The following XPOT variants were observed in gnomAD, a reference collection of about 807,000 sequenced individuals.
The protein encoded by XPOT is exportin for tRNA, also known as exportin-T.
A neutral mutation model predicts 128.2 loss-of-function variants in XPOT; 34 were observed. The observed-to-expected ratio is 0.27, with a 90% CI of 0.20 to 0.35. XPOT has a LOEUF of 0.35. Among genes scored for constraint, XPOT ranks in the 10% least tolerant of loss-of-function variants. The pLI is 1.00. For missense variants in XPOT, 838 were observed against 1,125.3 expected (o/e 0.74, Z 3.65); for synonymous variants, 348 against 394.3 (o/e 0.88, Z 1.39).
At chr12:64,426,898 A>G (rs1290303332) in intron 15 of XPOT, among the ~76,000 whole-genome samples, 1 of 151,960 alleles carries the variant, frequency 6.6e-6, no homozygotes, top group African/African-American at 2.4e-5. Context: ...CAGGAGAATC[A>G]CTTGAACCCA....
At position 64,425,111 on chromosome 12, in the gene XPOT, C is replaced by T; in HGVS notation, c.1381C>T (p.Pro461Ser). The T allele has an allele frequency of 6.2e-7, 1 of 1,613,894 alleles. No individual in the cohort carries two copies. Among genetic ancestry groups the T allele is most frequent in the Non-Finnish European group, 8.5e-7 (1 of 1,179,986 alleles). The change falls in exon 13 of 25, where the codon CCA becomes TCA. Residue 461 changes from proline to serine, a missense_variant. By Grantham distance (74) the Pro-to-Ser change is moderately conservative. Around this residue, in one of 3 missense-constraint regions of XPOT, gnomAD observed 761 missense variants for 988.3 expected, o/e 0.77. Coordinates refer to ENST00000332707, the MANE Select transcript of XPOT (RefSeq NM_007235.6). ...RLLYMLAEAL[P>S]VSHGAHFSGD... ...GCTGTATATGTTGGCAGAAGCTCTT[C>T]CAGTATCTCATGGTGCTCACTTCTC... is the stretch of plus-strand genomic sequence containing the variant.
chr12:64,435,498 C>G (rs2040275316), intron 21 of XPOT, 129 bp from the exon 22 acceptor site: 1 of 704,756 alleles, frequency 1.4e-6, no homozygotes, highest in Non-Finnish European at 2.1e-6. Context: ...TATCCCTTCT[C>G]TGGAGTTAAA....
Position 64,429,977 on chromosome 12 carries a change from A to G in XPOT, c.1738-72A>G, listed in dbSNP as rs374300728. 3.0e-6 allele frequency: 4 copies of G among 1,339,024 alleles called. No homozygotes were observed. In the African/African-American group the frequency reaches 5.9e-5, roughly 20 times the overall value. The allele number at this position is 1,339,024 out of a possible 1,614,324, so 82.9% of individuals were successfully genotyped here. A position where few individuals can be genotyped will look rare whatever the true frequency, so the allele number is the denominator to read the frequency against. ...GTGATAGATTACATTTCCTGTTCCTAATGCACTTTTTCTCATTAAATGAAG... is the reference window on the plus strand; with the variant it reads ...GTGATAGATTACATTTCCTGTTCCTGATGCACTTTTTCTCATTAAATGAAG... On this transcript the variant is annotated intron_variant, in intron 16 of 24. Transcript: ENST00000332707.
chr12:64,413,354 C>T (rs147886558), intron 2 of XPOT, among the ~76,000 whole-genome samples: 147 of 152,230 alleles, frequency 9.7e-4, no homozygotes, highest in African/African-American at 3.3e-3. Context: ...CTTCCAGCCT[C>T]AAGTGATCTT....
intron 6 of XPOT, 34 bp from the exon 7 acceptor site, chr12:64,420,036 T>C: frequency 2.0e-6 from 3 of 1,523,766 alleles, no homozygotes; most frequent in Non-Finnish European, 2.6e-6. Context: ...TTTTGTAAGG[T>C]AATCTACTTT....
chr12:64,442,214 G>A (rs906570394), intron 23 of XPOT, among the ~76,000 whole-genome samples: 6 of 151,844 alleles, frequency 4.0e-5, no homozygotes, highest in Non-Finnish European at 7.4e-5. Context: ...TCCACCTCCC[G>A]GGTTCAAGCA....
At chr12:64,434,201 C>T (rs1449973522) in intron 19 of XPOT, among the ~76,000 whole-genome samples, 1 of 151,998 alleles carries the variant, frequency 6.6e-6, no homozygotes, top group African/African-American at 2.4e-5. Context: ...GGGATCTCAC[C>T]ACGTTGCCCA....
Position 64,431,521 on chromosome 12 carries a change from G to T in XPOT, c.1977-17G>T. On this transcript the variant is annotated splice_polypyrimidine_tract_variant and intron_variant, in intron 17 of 24. Transcript: ENST00000332707. ...AGAATAAAGTTGCATCTGATTGCCT[G>T]ATTTTTGCTTATATAGTCGAACCAG... 6.2e-7 allele frequency: 1 copy of T among 1,607,114 alleles called. No homozygotes were observed. Among genetic ancestry groups the T allele is most frequent in the South Asian group, 1.1e-5 (1 of 90,850 alleles).
intron 2 of XPOT, 50 bp from the exon 3 acceptor site, chr12:64,414,857 C>A: frequency 9.1e-7 from 1 of 1,095,826 alleles, no homozygotes; most frequent in Non-Finnish European, 1.4e-6. Flanking sequence ...ATTAGCAGGG[C>A]ATTGAGATTG....
At chr12:64,445,001 A>C in intron 23 of XPOT, 74 bp from the exon 24 acceptor site, 4 of 1,323,040 alleles carry the variant, frequency 3.0e-6, no homozygotes, top group Non-Finnish European at 4.2e-6. Context: ...AAAAAAAAAA[A>C]ACTGGATACG....
At chr12:64,441,947 A>T (rs2040328188) in intron 23 of XPOT, among the ~76,000 whole-genome samples, 1 of 151,928 alleles carries the variant, frequency 6.6e-6, no homozygotes, top group Non-Finnish European at 1.5e-5. Context: ...CTAAAGTCCC[A>T]GGATTACGGG....
At chr12:64,422,856 C>A in intron 9 of XPOT, 149 bp from the exon 10 acceptor site, 1 of 651,478 alleles carries the variant, frequency 1.5e-6, no homozygotes. Context: ...TGAGCCATGA[C>A]TGCGCCACTG....
At chr12:64,414,847 A>G in intron 2 of XPOT, 60 bp from the exon 3 acceptor site, 2 of 1,027,746 alleles carry the variant, frequency 1.9e-6, no homozygotes, top group East Asian at 2.4e-5. Context: ...TTTTGTTTAT[A>G]TTAGCAGGGC....
At chr12:64,433,928 G>C (rs1326331586) in intron 19 of XPOT, among the ~76,000 whole-genome samples, 2 of 152,134 alleles carry the variant, frequency 1.3e-5, no homozygotes, top group Non-Finnish European at 2.9e-5. Context: ...AATAAATGGA[G>C]CTGTACAGAT....
chr12:64,424,689 G>A lies in XPOT; in HGVS notation c.1273G>A (p.Ala425Thr), dbSNP rs528132023. The change falls in exon 12 of 25, where the codon GCC becomes ACC. Residue 425 changes from alanine (A) to threonine (T), a missense_variant. By Grantham distance (58) the Ala-to-Thr change is moderately conservative. Transcript: ENST00000332707. ...LAQVSPELLLASVRRVFSSTL... is the reference protein window; with the variant it reads ...LAQVSPELLLTSVRRVFSSTL... The stretch of plus-strand genomic sequence containing the variant: ...TCAAGTTTCACCAGAGTTACTACTG[G>A]CCTCTGTTCGCAGAGTTTTTAGTTC... 4.2e-5 allele frequency: 67 copies of A among 1,613,274 alleles called. No homozygotes were observed. Among genetic ancestry groups the A allele is most frequent in the South Asian group, 3.3e-4 (30 of 91,018 alleles).
At chr12:64,434,204 G>A (rs1017647692) in intron 19 of XPOT, among the ~76,000 whole-genome samples, 5 of 151,932 alleles carry the variant, frequency 3.3e-5, no homozygotes, top group Non-Finnish European at 7.4e-5. Context: ...ATCTCACCAC[G>A]TTGCCCAGGC....
chr12:64,433,436 A>C lies in XPOT; in HGVS notation c.2285A>C (p.Gln762Pro), dbSNP rs779814940. The C allele has an allele frequency of 6.4e-7, 1 of 1,567,042 alleles. No individual in the cohort carries two copies. The highest frequency in any genetic ancestry group is 8.7e-7 in the Non-Finnish European group (1 of 1,152,130). ...CAGATACAGGTATCCCCGTTTTTAC[A>C]ACAGATGTTCATGCCCCTGCTTCAT... ...KFKIQVSPFL[Q>P]QMFMPLLHAI... The change falls in exon 19 of 25, where the codon CAA (glutamine) becomes CCA (proline). Residue 762 changes from glutamine to proline, a missense_variant. Coordinates refer to ENST00000332707, the MANE Select transcript of XPOT (RefSeq NM_007235.6).
Position 64,418,857 on chromosome 12 carries a change from CT to C in XPOT, c.271-18del, listed in dbSNP as rs2040111799. ...TTCAATTTACATTTAATTTTATGGA[CT>C]GTTTCTCTGTTTGTCAGATGCTGAA... On this transcript the variant is annotated intron_variant, in intron 5 of 24. Transcript: ENST00000332707. 1.2e-6 allele frequency: 2 copies of C among 1,607,106 alleles called. No homozygotes were observed. Among genetic ancestry groups the C allele is most frequent in the African/African-American group, 1.3e-5 (1 of 74,486 alleles).
intron 23 of XPOT, among the ~76,000 whole-genome samples, chr12:64,440,984 C>T (rs1401578238): frequency 6.6e-6 from 1 of 152,158 alleles, no homozygotes; most frequent in Non-Finnish European, 1.5e-5. Flanking sequence ...ACTAATGTAG[C>T]TTTTCGTGAT....
Sources: allele counts gnomAD v4.1 joint callset (sites outside exome capture counted in the v4.1 genomes callset), GRCh38; gene constraint gnomAD v4.1.1; regional missense constraint gnomAD v4.1.1; transcripts MANE v1.5; gene names NCBI Gene and HGNC (gene_info 2026-07-23, HGNC 2026-07-21).